DOP1A: variants seen among roughly 807,000 people sequenced by gnomAD.
DOP1A encodes the protein protein DOP1A.
Under a neutral mutation model 267.6 loss-of-function variants are expected in DOP1A, and 90 were observed. The observed-to-expected ratio is 0.34, with a 90% CI of 0.28 to 0.40. DOP1A has a LOEUF of 0.40. DOP1A is among the 10% of genes least tolerant of loss of function. The pLI is 1.00. For synonymous variants in DOP1A, 932 were observed against 999.1 expected, an observed-to-expected ratio of 0.93 and a Z score of 1.27; for missense variants, 2,437 against 2,900.4, an observed-to-expected ratio of 0.84 and a Z score of 3.67.
chr6:83,099,039 G>C (rs997817705), intron 3 of DOP1A, among the ~76,000 whole-genome samples: 1 of 152,002 alleles, frequency 6.6e-6, no homozygotes, highest in Admixed American at 6.6e-5. Context: ...TCCTGCCTTA[G>C]GGAGAAAAAG....
chr6:83,086,962 C>T (rs1769378729), intron 1 of DOP1A, among the ~76,000 whole-genome samples: 1 of 152,078 alleles, frequency 6.6e-6, no homozygotes, highest in South Asian at 2.1e-4. Context: ...GGGGGGTAGA[C>T]TTTAGGCTGT....
intron 24 of DOP1A, 61 bp from the exon 25 acceptor site, chr6:83,145,463 T>C (rs1024206686): frequency 3.7e-5 from 51 of 1,367,048 alleles, no homozygotes; most frequent in Middle Eastern, 1.8e-4. Flanking sequence ...TACTCTCTTC[T>C]GTAACTTCCC....
At chr6:83,131,254 A>G (rs1013441115) in intron 17 of DOP1A, among the ~76,000 whole-genome samples, 1 of 90,628 alleles carries the variant, frequency 1.1e-5, no homozygotes, top group Non-Finnish European at 2.5e-5. Context: ...ACTGTACATT[A>G]AAAAAAAGTT....
intron 8 of DOP1A, among the ~76,000 whole-genome samples, chr6:83,119,223 A>T (rs558607678): frequency 4.3e-4 from 66 of 152,292 alleles, no homozygotes; most frequent in African/African-American, 1.5e-3. Context: ...CCTTAACAAG[A>T]TGTTTTTCCC....
intron 25 of DOP1A, among the ~76,000 whole-genome samples, chr6:83,146,100 T>C (rs762001171): frequency 3.9e-5 from 6 of 152,246 alleles, no homozygotes; most frequent in Non-Finnish European, 7.3e-5. Context: ...ATGTCATTTC[T>C]TGACCATGTA....
intron 1 of DOP1A, among the ~76,000 whole-genome samples, chr6:83,088,033 G>A (rs552953965): frequency 1.3e-5 from 2 of 152,030 alleles, no homozygotes; most frequent in Admixed American, 6.6e-5. Flanking sequence ...CGCCATGCCC[G>A]GCTAACCTTT....
At chr6:83,162,943 T>G in intron 38 of DOP1A, 24 bp downstream of exon 38, 7 of 1,604,716 alleles carry the variant, frequency 4.4e-6, no homozygotes, top group Non-Finnish European at 6.0e-6. Context: ...TTGTGATTGT[T>G]TTGTTTTACA....
intron 24 of DOP1A, among the ~76,000 whole-genome samples, chr6:83,143,230 C>A (rs1779931735): frequency 6.6e-6 from 1 of 152,114 alleles, no homozygotes; most frequent in Non-Finnish European, 1.5e-5. Flanking sequence ...CCTCATGAGA[C>A]CCTGTCTCTA....
chr6:83,169,135 A>T, downstream of DOP1A: 1 of 1,539,016 alleles, frequency 6.5e-7, no homozygotes, highest in Non-Finnish European at 8.8e-7. Flanking sequence ...GCTGCATTGT[A>T]AACATTATGA....
intron 38 of DOP1A, chr6:83,166,220 G>T (rs1037372885): frequency 4.0e-6 from 2 of 502,090 alleles, no homozygotes; most frequent in Non-Finnish European, 7.0e-6. Context: ...TTCAAATGCC[G>T]AACGACCATA....
intron 11 of DOP1A, 54 bp from the exon 12 acceptor site, chr6:83,122,809 G>C (rs1238803198): frequency 1.5e-6 from 2 of 1,329,740 alleles, no homozygotes; most frequent in African/African-American, 1.6e-5. Flanking sequence ...ATTTAAATTT[G>C]AAAAAACAAA....
intron 1 of DOP1A, among the ~76,000 whole-genome samples, chr6:83,090,015 C>T (rs1028494835): frequency 2.6e-5 from 4 of 152,146 alleles, no homozygotes; most frequent in African/African-American, 7.2e-5. Flanking sequence ...GTTAGTGAGT[C>T]CTCAGTTTTC....
At chr6:83,170,221 G>C (rs1361499894), downstream of DOP1A, 2 of 1,259,366 alleles carry the variant, frequency 1.6e-6, no homozygotes, top group Non-Finnish European at 2.3e-6. Flanking sequence ...AATCATCATA[G>C]TGAGATTCTA....
chr6:83,169,574 A>AT, downstream of DOP1A: 1 of 502,054 alleles, frequency 2.0e-6, no homozygotes, highest in Non-Finnish European at 3.6e-6. Context: ...AATAGCTATC[A>AT]TTCCACAACT....
chr6:83,101,156 C>T (rs1282814303), intron 4 of DOP1A, among the ~76,000 whole-genome samples: 1 of 152,100 alleles, frequency 6.6e-6, no homozygotes, highest in African/African-American at 2.4e-5. Context: ...GCTGGGACTA[C>T]AGGCGCCCGC....
chr6:83,106,746 G>A (rs1445592286), intron 4 of DOP1A, among the ~76,000 whole-genome samples: 2 of 151,364 alleles, frequency 1.3e-5, no homozygotes, highest in African/African-American at 2.4e-5. Flanking sequence ...GGAGGTGGAG[G>A]TTGCAGTGAG....
At chr6:83,080,971 G>A (rs970597558) in intron 1 of DOP1A, among the ~76,000 whole-genome samples, 1 of 152,104 alleles carries the variant, frequency 6.6e-6, no homozygotes, top group Admixed American at 6.6e-5. Context: ...AAAAAACAAA[G>A]CTGGAGGTGT....
At chr6:83,076,682 T>C (rs764546043) in intron 1 of DOP1A, among the ~76,000 whole-genome samples, 1 of 151,998 alleles carries the variant, frequency 6.6e-6, no homozygotes, top group Non-Finnish European at 1.5e-5. Flanking sequence ...AGATGTAAAA[T>C]GGTTCAGCCC....
chr6:83,145,486 T>C (rs752339808), intron 24 of DOP1A, 38 bp from the exon 25 acceptor site: 7 of 1,506,216 alleles, frequency 4.6e-6, no homozygotes, highest in South Asian at 3.8e-5. Context: ...AAAAGACTTA[T>C]ATACATACAT....
Sources: allele counts gnomAD v4.1 joint callset (sites outside exome capture counted in the v4.1 genomes callset), GRCh38; gene constraint gnomAD v4.1.1; transcripts MANE v1.5; gene names NCBI Gene and HGNC (gene_info 2026-07-23, HGNC 2026-07-21).